The following TBC1D26 variants were observed in gnomAD, a reference collection of about 807,000 sequenced individuals.
TBC1D26 encodes the protein TBC1 domain family member 26.
Under a neutral mutation model 42.5 loss-of-function variants are expected in TBC1D26, and 19 were observed. The observed-to-expected ratio is 0.45, with a 90% confidence interval of 0.31 to 0.66. TBC1D26 has a LOEUF of 0.66. Ranked by LOEUF, TBC1D26 falls within the 30% of genes least tolerant of loss-of-function variation. TBC1D26 has a pLI of 0.06. For missense variants in TBC1D26, 228 were observed against 332.6 expected, an observed-to-expected ratio of 0.69 and a Z score of 2.45; for synonymous variants, 97 against 123.5, an observed-to-expected ratio of 0.79 and a Z score of 1.42.
rs756433411 is a variant in TBC1D26 at position 15,738,095 on chromosome 17, T to G, written c.279+18T>G. 3.7e-6 allele frequency: 6 copies of G among 1,611,100 alleles called. No homozygotes were observed. In the East Asian group the frequency reaches 1.3e-4, roughly 36 times the overall value. Reference sequence around the variant, plus strand: ...CCAAGAAGGTAACATGGGGAGGAAGTGGCCCGCGTGACTGCTCTCTGCAGA... The same window carrying G: ...CCAAGAAGGTAACATGGGGAGGAAGGGGCCCGCGTGACTGCTCTCTGCAGA... On this transcript the variant is annotated intron_variant, in intron 6 of 14. Transcript: ENST00000437605.
At chr17:15,741,810 T>A (rs1167797214) in intron 10 of TBC1D26, 132 bp from the exon 11 acceptor site, 7 of 799,408 alleles carry the variant, frequency 8.8e-6, no homozygotes, top group Admixed American at 2.6e-5. Flanking sequence ...TGAGGCTACA[T>A]GCTGGGGTCA....
chr17:15,743,221 C>T (rs1178763504), intron 13 of TBC1D26, 146 bp from the exon 14 acceptor site: 7 of 194,554 alleles, frequency 3.6e-5, no homozygotes, highest in Middle Eastern at 5.0e-3. Context: ...CCTTCCCCAA[C>T]TGTAGCCTCC....
chr17:15,741,308 C>A, intron 10 of TBC1D26, 87 bp downstream of exon 10: 3 of 1,596,314 alleles, frequency 1.9e-6, no homozygotes, highest in Non-Finnish European at 2.6e-6. Context: ...TGGCCGGTGA[C>A]CCTGACTTCC....
At chr17:15,742,115 G>C (rs1172206116) in intron 11 of TBC1D26, 79 bp downstream of exon 11, 1 of 1,243,808 alleles carries the variant, frequency 8.0e-7, no homozygotes, top group Non-Finnish European at 1.1e-6. Flanking sequence ...CCCTCATGGG[G>C]CTGGCAAGAG....
intron 10 of TBC1D26, chr17:15,741,667 A>G (rs1402225511): frequency 5.9e-6 from 3 of 510,890 alleles, no homozygotes; most frequent in African/African-American, 3.8e-5. Flanking sequence ...AGATAGCCAC[A>G]TAGCCCCCAG....
intron 11 of TBC1D26, 24 bp downstream of exon 11, chr17:15,742,060 C>A: frequency 6.2e-7 from 1 of 1,604,444 alleles, no homozygotes. Flanking sequence ...ACCCTCAGCT[C>A]CTAACCAGAC....
intron 4 of TBC1D26, among the ~76,000 whole-genome samples, chr17:15,736,888 G>A (rs1361594555): frequency 6.6e-6 from 1 of 152,276 alleles, no homozygotes; most frequent in Non-Finnish European, 1.5e-5. Flanking sequence ...GCCGGAGAGA[G>A]GGTCATAGTG....
At chr17:15,737,680 G>A (rs1967655338) in intron 5 of TBC1D26, 157 bp downstream of exon 5, 6 of 1,129,146 alleles carry the variant, frequency 5.3e-6, no homozygotes, top group Non-Finnish European at 7.5e-6. Flanking sequence ...CTGTTCCCAT[G>A]AGGACTTGAC....
intron 10 of TBC1D26, chr17:15,741,464 C>A: frequency 1.6e-6 from 1 of 610,166 alleles, no homozygotes; most frequent in Non-Finnish European, 2.8e-6. Context: ...GCATGGATAC[C>A]TCCCCCTGGC....
Position 15,735,390 on chromosome 17 carries a change from G to T in TBC1D26, c.42G>T (p.Gly14=), listed in dbSNP as rs753929084. 1.4e-5 allele frequency: 22 copies of T among 1,613,764 alleles called. No individual in the cohort carries two copies. The South Asian group carries it at 1.9e-4, about 14-fold the overall frequency. The change falls in exon 3 of 15, where the codon GGG becomes GGT. Residue 14 remains glycine, a synonymous_variant. Coordinates refer to ENST00000437605, the MANE Select transcript of TBC1D26 (RefSeq NM_001388465.1). The stretch of plus-strand genomic sequence containing the variant: ...ACCCGTATAACCTGCCTGCCCAGGG[G>T]CAAGGCAATATCATCATTACTAAGT... The part of the protein sequence containing the change: ...DGDPYNLPAQ[G]QGNIIITKYE...
At position 15,738,000 on chromosome 17, in the gene TBC1D26, A is replaced by G; in HGVS notation, c.202A>G (p.Arg68Gly). The G allele has an allele frequency of 6.2e-7, 1 of 1,614,114 alleles. No homozygotes were observed. Among genetic ancestry groups the G allele is most frequent in the Non-Finnish European group, 8.5e-7 (1 of 1,179,970 alleles). The change falls in exon 6 of 15, where the codon AGA (arginine) becomes GGA (glycine). Residue 68 changes from arginine (R) to glycine (G), a missense_variant. Physicochemically the swap from Arg to Gly is moderately radical, Grantham distance 125. This residue lies in a region of TBC1D26 where 72 missense variants were observed against 90.1 expected (regional missense o/e 0.80). Coordinates refer to ENST00000437605, the MANE Select transcript of TBC1D26 (RefSeq NM_001388465.1). ...TCCATCATGGCTCATTTGACAGCAA[A>G]GACGCAAGGAAAGTAAACGTACCAA... ...PHVSALEVKQRRKESKRTNKW... is the reference protein window; with the variant it reads ...PHVSALEVKQGRKESKRTNKW...
In TBC1D26 at chr17:15,738,447, G is replaced by A. The variant is rs1967684147; in HGVS notation, c.387+60G>A. The A allele has an allele frequency of 8.2e-6, 13 of 1,588,000 alleles. 1 individual carries two copies. The South Asian group carries it at 1.3e-4, about 16-fold the overall frequency. On this transcript the variant is annotated intron_variant, in intron 7 of 14. Transcript: ENST00000437605. ...CAAGCTAGACTGTATCAGGAGCCCA[G>A]GACTCCAGCTGGAGGGAACGTTGAG...
intron 4 of TBC1D26, among the ~76,000 whole-genome samples, chr17:15,736,766 C>T (rs1288209091): frequency 1.3e-5 from 2 of 152,292 alleles, no homozygotes; most frequent in Non-Finnish European, 2.9e-5. Flanking sequence ...GGTGTCTCCC[C>T]AGCAGTGCTG....
chr17:15,733,360 G>A (rs1447497328), intron 1 of TBC1D26, among the ~76,000 whole-genome samples: 1 of 152,136 alleles, frequency 6.6e-6, no homozygotes, highest in Non-Finnish European at 1.5e-5. Flanking sequence ...CTACTGGGAG[G>A]AGGAGGTGAA....
Position 15,735,443 on chromosome 17 carries a change from C to G in TBC1D26, c.75+20C>G. On this transcript the variant is annotated intron_variant, in intron 3 of 14. Coordinates refer to ENST00000437605, the MANE Select transcript of TBC1D26 (RefSeq NM_001388465.1). ...GAGCAGGTACAAGTTGGGCCGCTCC[C>G]TCAAGGGAAGCAGGGCCTCGCCTCT... 3.1e-6 allele frequency: 5 copies of G among 1,607,890 alleles called. No individual in the cohort carries two copies. Among genetic ancestry groups the G allele is most frequent in the Middle Eastern group, 1.7e-4 (1 of 5,988 alleles).
intron 10 of TBC1D26, 188 bp downstream of exon 10, chr17:15,741,409 C>A (rs1321765635): frequency 1.0e-6 from 1 of 978,564 alleles, no homozygotes; most frequent in Non-Finnish European, 1.5e-6. Context: ...TGGACAGGAA[C>A]CCCCTCACCT....
At chr17:15,742,111 T>C (rs1967804227) in intron 11 of TBC1D26, 75 bp downstream of exon 11, 8 of 1,307,266 alleles carry the variant, frequency 6.1e-6, no homozygotes, top group Admixed American at 4.0e-5. Context: ...AAGTCCCTCA[T>C]GGGGCTGGCA....
rs1967871336 is a variant in TBC1D26, at chr17:15,744,711, G to GA, written c.*122dup. On this transcript the variant is annotated 3_prime_UTR_variant, in exon 15 of 15. Transcript: ENST00000437605. ...TTATTACGGGAGGAGGAGGAGGCCT[G>GA]AAACAGCTCCTGAAAATGAGAGGGA... is the stretch of plus-strand genomic sequence containing the variant. 1 of 152,186 alleles carries GA rather than the reference G, an allele frequency of 6.6e-6. No individual in the cohort carries two copies. Among genetic ancestry groups the GA allele is most frequent in the Admixed American group, 6.5e-5 (1 of 15,278 alleles). The allele number at this position is 152,186 out of a possible 1,614,324, so 9.4% of individuals were successfully genotyped here. A position where few individuals can be genotyped will look rare whatever the true frequency, so the allele number is the denominator to read the frequency against.
chr17:15,738,327 G>A lies in TBC1D26; in HGVS notation c.327G>A (p.Arg109=). 8 of 1,613,692 alleles carry A rather than the reference G, an allele frequency of 5.0e-6. No individual in the cohort carries two copies. The highest frequency in any genetic ancestry group is 6.8e-6 in the Non-Finnish European group (8 of 1,180,018). The stretch of plus-strand genomic sequence containing the variant: ...TCATTCCCCTGGCGGTACGGGGCCG[G>A]GCGTGGTCACTTTTGCTAGATATTG... ...YKVIPLAVRG[R]AWSLLLDIDR... Residue 109 remains arginine, a synonymous_variant, in exon 7 of 15, where the codon CGG becomes CGA. Coordinates refer to ENST00000437605, the MANE Select transcript of TBC1D26 (RefSeq NM_001388465.1).
Sources: gnomAD v4.1 joint callset for allele counts (sites outside exome capture counted in the v4.1 genomes callset) on GRCh38, gnomAD v4.1.1 for gene constraint, gnomAD v4.1.1 regional missense constraint, MANE v1.5 for transcripts, NCBI Gene and HGNC (gene_info 2026-07-23, HGNC 2026-07-21) for gene names.